The following BCORL1 variants were observed in gnomAD, a reference collection of about 807,000 sequenced individuals.
The protein encoded by BCORL1 is BCL6 corepressor like 1.
A neutral mutation model predicts 87.6 loss-of-function variants in BCORL1; 7 were observed. That is an observed-to-expected ratio of 0.08 (90% confidence interval 0.05 to 0.15). BCORL1 has a LOEUF of 0.15. Ranked by LOEUF, BCORL1 falls within the 10% of genes least tolerant of loss-of-function variation. BCORL1 has a pLI of 1.00. For missense variants in BCORL1, 1,215 were observed against 1,499.7 expected (o/e 0.81, Z 3.13); for synonymous variants, 591 against 634.4 (o/e 0.93, Z 1.03).
chrX:129,991,651 CTTTT>C lies in BCORL1; in HGVS notation c.-45+8910_-45+8913del, dbSNP rs112594609. On this transcript the variant is annotated intron_variant, in intron 1 of 13. Transcript: ENST00000540052. ...GCCACTGTGCCCGGCAGAAAATATTCTTTTTTTTTTTTTTTTTTTTTTTTGAGAC... is the reference window on the plus strand; with the variant it reads ...GCCACTGTGCCCGGCAGAAAATATTCTTTTTTTTTTTTTTTTTTTTGAGAC... Among the ~76,000 whole-genome samples the C allele has an allele frequency of 2.6e-3, 124 of 47,535 alleles. 1 individual carries two copies. The highest frequency in any genetic ancestry group is 0.012 in the African/African-American group (120 of 10,270). 41.3% of individuals were successfully genotyped at this position (47,535 alleles called of 115,157 possible).
intron 6 of BCORL1, 121 bp from the exon 7 acceptor site, chrX:130,024,869 A>G: frequency 9.9e-7 from 1 of 1,007,921 alleles, no homozygotes; most frequent in Non-Finnish European, 1.3e-6. Context: ...TACAGCTAAT[A>G]ACTGGCAGAG....
chrX:130,019,069 C>T (rs1259988664), intron 4 of BCORL1, among the ~76,000 whole-genome samples: 3 of 112,411 alleles, frequency 2.7e-5, no homozygotes, highest in Non-Finnish European at 3.8e-5. Context: ...TTATTGTCCT[C>T]TCATTCCTTG....
At chrX:130,054,142 A>G (rs1235946295) in intron 13 of BCORL1, among the ~76,000 whole-genome samples, 3 of 112,112 alleles carry the variant, frequency 2.7e-5, no homozygotes, top group Non-Finnish European at 5.6e-5. Flanking sequence ...AATTAACTCT[A>G]ATAAAAGACA....
At position 130,015,397 on chromosome X, in the gene BCORL1, C is replaced by T. The variant is rs756327189; in HGVS notation, c.2625C>T (p.Leu875=). 2.6e-5 allele frequency: 32 copies of T among 1,212,274 alleles called. No individual in the cohort carries two copies. Among genetic ancestry groups the T allele is most frequent in the Non-Finnish European group, 3.3e-5 (30 of 895,662 alleles). ...VVSEFSGVPS[L]SSSEAVHGLP... Reference sequence around the variant, plus strand: ...CGGAGTTTTCTGGTGTGCCATCTCTCAGCTCCAGCGAAGCCGTGCACGGAC... The same window carrying T: ...CGGAGTTTTCTGGTGTGCCATCTCTTAGCTCCAGCGAAGCCGTGCACGGAC... Residue 875 remains leucine, a synonymous_variant, in exon 4 of 14, where the codon CTC becomes CTT. Coordinates refer to ENST00000540052, the MANE Select transcript of BCORL1 (RefSeq NM_001379451.1).
intron 11 of BCORL1, among the ~76,000 whole-genome samples, chrX:130,043,024 T>C (rs1328082881): frequency 9.3e-6 from 1 of 107,765 alleles, no homozygotes; most frequent in African/African-American, 3.4e-5. Flanking sequence ...TGGGATTTAG[T>C]ACATTCTCTT....
In BCORL1 at chrX:130,045,907, T is replaced by C. The variant is rs1016582351; in HGVS notation, c.4841-4810T>C. Among the ~76,000 whole-genome samples the C allele has an allele frequency of 1.7e-4, 19 of 111,352 alleles. No individual in the cohort carries two copies. The East Asian group carries it at 5.1e-3, about 30-fold the overall frequency. On this transcript the variant is annotated intron_variant, in intron 11 of 13. Coordinates refer to ENST00000540052, the MANE Select transcript of BCORL1 (RefSeq NM_001379451.1). ...CACTAGGATTACAAGTGTGAGCCATTGCACTGAGCTTCTGCGGGTGCTTTT... is the reference window on the plus strand; with the variant it reads ...CACTAGGATTACAAGTGTGAGCCATCGCACTGAGCTTCTGCGGGTGCTTTT...
intron 4 of BCORL1, among the ~76,000 whole-genome samples, chrX:130,017,290 C>T (rs1328334081): frequency 9.0e-6 from 1 of 110,907 alleles, no homozygotes; most frequent in Non-Finnish European, 1.9e-5. Flanking sequence ...AACTCACAAA[C>T]CTCACAACCA....
rs1193082570 is a variant in BCORL1 at position 130,014,991 on chromosome X, G to A, written c.2219G>A (p.Arg740His). ...LNKDPNLGLN[R>H]DPRHLPKQEP... ...AAAGACCCCAACCTGGGCCTCAACC[G>A]TGACCCCCGCCATCTCCCCAAGCAG... The change falls in exon 4 of 14, where the codon CGT becomes CAT. Residue 740 changes from arginine to histidine, a missense_variant. Around this residue, in one of 5 missense-constraint regions of BCORL1, gnomAD observed 861 missense variants for 1,010.0 expected, o/e 0.85. Transcript: ENST00000540052. 4 of 1,211,532 alleles carry A rather than the reference G, an allele frequency of 3.3e-6. No individual in the cohort carries two copies. The highest frequency in any genetic ancestry group is 5.9e-5 in the East Asian group (2 of 33,834).
chrX:130,051,003 C>A (rs1253694807), intron 12 of BCORL1, among the ~76,000 whole-genome samples: 3 of 111,879 alleles, frequency 2.7e-5, no homozygotes, highest in Non-Finnish European at 5.6e-5. Flanking sequence ...CACTAGCCCT[C>A]TACCACTCCC....
At chrX:130,048,951 A>G (rs772961027) in intron 11 of BCORL1, among the ~76,000 whole-genome samples, 1 of 112,375 alleles carries the variant, frequency 8.9e-6, no homozygotes, top group Admixed American at 9.4e-5. Context: ...CGTAGCATCC[A>G]TATGGGTAGC....
intron 11 of BCORL1, among the ~76,000 whole-genome samples, chrX:130,047,376 G>A (rs972546794): frequency 1.7e-4 from 19 of 111,866 alleles, no homozygotes; most frequent in Admixed American, 4.8e-4. Flanking sequence ...GTATGTGAAC[G>A]TCCGTGAGGA....
intron 1 of BCORL1, among the ~76,000 whole-genome samples, chrX:130,002,953 G>A (rs990331461): frequency 1.8e-5 from 2 of 110,309 alleles, no homozygotes; most frequent in East Asian, 2.9e-4. Flanking sequence ...GAAGGGCCCC[G>A]GAGAAGCCAT....
intron 13 of BCORL1, among the ~76,000 whole-genome samples, chrX:130,052,730 C>T (rs1429966705): frequency 8.9e-6 from 1 of 112,683 alleles, no homozygotes; most frequent in Non-Finnish European, 1.9e-5. Flanking sequence ...CCCTTTTATT[C>T]TTAGCCTCCA....
At chrX:130,053,364 A>G (rs1416868724) in intron 13 of BCORL1, among the ~76,000 whole-genome samples, 1 of 109,798 alleles carries the variant, frequency 9.1e-6, no homozygotes, top group Non-Finnish European at 1.9e-5. Context: ...GTAGGGATCA[A>G]GTTTCAGGGG....
chrX:130,028,702 C>G lies in BCORL1; in HGVS notation c.4146C>G (p.Asn1382Lys), dbSNP rs746063839. The G allele has an allele frequency of 5.0e-6, 6 of 1,211,027 alleles. No individual in the cohort carries two copies. In the South Asian group the frequency reaches 7.0e-5, roughly 14 times the overall value. The change falls in exon 8 of 14, where the codon AAC (asparagine) becomes AAG (lysine). Residue 1382 changes from asparagine to lysine, a missense_variant. Physicochemically the swap from Asn to Lys is moderately conservative, Grantham distance 94. This residue lies in a region of BCORL1 where 166 missense variants were observed against 196.5 expected (regional missense o/e 0.84). Coordinates refer to ENST00000540052, the MANE Select transcript of BCORL1 (RefSeq NM_001379451.1). ...TGGAGCACCGCCTCAGGAACAGGAA[C>G]CTTCTCTTGCCCAACAAAGTCCAGG... Reference protein sequence around the residue: ...QSLEHRLRNRNLLLPNKVQGI... With the variant: ...QSLEHRLRNRKLLLPNKVQGI...
At position 130,015,876 on chromosome X, in the gene BCORL1, C is replaced by T. The variant is rs1459956210; in HGVS notation, c.3104C>T (p.Thr1035Ile). 2 of 1,211,739 alleles carry T rather than the reference C, an allele frequency of 1.7e-6. 1 individual carries two copies. Among genetic ancestry groups the T allele is most frequent in the Middle Eastern group, 4.6e-4 (2 of 4,354 alleles). Residue 1035 changes from threonine (T) to isoleucine (I), a missense_variant, in exon 4 of 14, where the codon ACA becomes ATA. Physicochemically the swap from Thr to Ile is moderately conservative, Grantham distance 89. This residue lies in a region of BCORL1 where 861 missense variants were observed against 1,010.0 expected (regional missense o/e 0.85). Transcript: ENST00000540052. ...VVPSSRRGSS[T>I]ERPQLGSQVD... ...CCGAGCAGCAGGAGGGGCTCCAGCA[C>T]AGAGCGCCCACAGCTTGGAAGCCAG... is the stretch of plus-strand genomic sequence containing the variant.
intron 1 of BCORL1, among the ~76,000 whole-genome samples, chrX:129,983,275 TG>T (rs1366204238): frequency 4.7e-5 from 5 of 106,148 alleles, no homozygotes. Flanking sequence ...CGGTTGATCC[TG>T]GGGGGGAAAC....
At chrX:129,980,909 A>G (rs1603046210), upstream of BCORL1, among the ~76,000 whole-genome samples, 1 of 79,309 alleles carries the variant, frequency 1.3e-5, no homozygotes, top group Non-Finnish European at 2.5e-5. Flanking sequence ...GGGCGAGGGG[A>G]GGGAGAGCCG....
chrX:130,007,803 C>T (rs1385753194), intron 2 of BCORL1, among the ~76,000 whole-genome samples: 1 of 110,885 alleles, frequency 9.0e-6, no homozygotes, highest in Non-Finnish European at 1.9e-5. Flanking sequence ...GTCTCAAAAA[C>T]AATAAAATTA....
Sources: gnomAD v4.1 joint callset for allele counts (sites outside exome capture counted in the v4.1 genomes callset) on GRCh38, gnomAD v4.1.1 for gene constraint, gnomAD v4.1.1 regional missense constraint, MANE v1.5 for transcripts, NCBI Gene and HGNC (gene_info 2026-07-23, HGNC 2026-07-21) for gene names.